The following MEGF6 variants were observed in gnomAD, a reference collection of about 807,000 sequenced individuals.
MEGF6 encodes the protein multiple epidermal growth factor-like domains protein 6.
A neutral mutation model predicts 207.1 loss-of-function variants in MEGF6; 184 were observed. That is an observed-to-expected ratio of 0.89 (90% confidence interval 0.79 to 1.00). MEGF6 has a LOEUF of 1.00. MEGF6 is among the 50% of genes least tolerant of loss of function. The pLI is 0.00. For synonymous variants in MEGF6, 1,038 were observed against 910.0 expected, an observed-to-expected ratio of 1.14 and a Z score of -2.53; for missense variants, 2,282 against 2,202.9, an observed-to-expected ratio of 1.04 and a Z score of -0.72.
intron 4 of MEGF6, among the ~76,000 whole-genome samples, chr1:3,561,730 G>T (rs933380849): frequency 3.0e-4 from 45 of 152,220 alleles, no homozygotes; most frequent in Admixed American, 1.2e-3. Context: ...ACGGGGTGGG[G>T]TGGCGGGGCA....
intron 30 of MEGF6, 36 bp from the exon 31 acceptor site, chr1:3,494,777 G>A: frequency 6.6e-7 from 1 of 1,518,332 alleles, no homozygotes; most frequent in Non-Finnish European, 8.9e-7. Flanking sequence ...TGGAGCTCTG[G>A]CCGAGGGCTG....
chr1:3,553,403 G>A (rs1642943058), intron 4 of MEGF6, among the ~76,000 whole-genome samples: 1 of 151,536 alleles, frequency 6.6e-6, no homozygotes, highest in Non-Finnish European at 1.5e-5. Context: ...ACAGGCAAGA[G>A]ACCCTCCCGC....
At chr1:3,561,091 C>A (rs528144876) in intron 4 of MEGF6, among the ~76,000 whole-genome samples, 1 of 152,298 alleles carries the variant, frequency 6.6e-6, no homozygotes, top group Non-Finnish European at 1.5e-5. Context: ...GGTAAAGGAC[C>A]CGCTGGCAGG....
At chr1:3,557,756 A>G (rs1167454967) in intron 4 of MEGF6, among the ~76,000 whole-genome samples, 1 of 152,182 alleles carries the variant, frequency 6.6e-6, no homozygotes, top group East Asian at 1.9e-4. Context: ...TCAGGGGATA[A>G]AGTGCAGAAG....
chr1:3,547,485 G>A (rs767521797), intron 4 of MEGF6, among the ~76,000 whole-genome samples: 29 of 152,260 alleles, frequency 1.9e-4, no homozygotes, highest in Middle Eastern at 6.8e-3. Context: ...TGTGTGTTCC[G>A]GTCAAGCGGT....
At chr1:3,524,406 A>G (rs1207161745) in intron 4 of MEGF6, among the ~76,000 whole-genome samples, 160 bp from the exon 5 acceptor site, 3 of 152,198 alleles carry the variant, frequency 2.0e-5, no homozygotes, top group African/African-American at 7.2e-5. Flanking sequence ...ACGCAGCAGA[A>G]GAGACAGGGT....
Position 3,597,232 on chromosome 1 carries a change from G to A in MEGF6, c.267-1785C>T, listed in dbSNP as rs559331909. On this transcript the variant is annotated intron_variant, in intron 2 of 36. Transcript: ENST00000356575. Reference sequence around the variant, plus strand: ...CCTTCTGGAAGGTTCGCTGCCTCTCGAGGAAGCTCCTTTCCTGCTTCCCCA... The same window carrying A: ...CCTTCTGGAAGGTTCGCTGCCTCTCAAGGAAGCTCCTTTCCTGCTTCCCCA... Among the ~76,000 whole-genome samples the A allele has an allele frequency of 8.7e-4, 133 of 152,286 alleles. 1 individual carries two copies. The highest frequency in any genetic ancestry group is 2.1e-3 in the South Asian group (10 of 4,822).
intron 17 of MEGF6, 42 bp from the exon 18 acceptor site, chr1:3,501,963 A>G: frequency 1.6e-6 from 2 of 1,262,130 alleles, no homozygotes; most frequent in East Asian, 5.9e-5. Flanking sequence ...CACCACGTGG[A>G]GTGGACTGAC....
intron 17 of MEGF6, among the ~76,000 whole-genome samples, chr1:3,502,670 G>A (rs1013194912): frequency 1.1e-4 from 17 of 152,112 alleles, no homozygotes; most frequent in African/African-American, 1.4e-4. Context: ...GGGAGAGAAC[G>A]TGGGGGCTGA....
At chr1:3,579,596 C>T (rs924416256) in intron 4 of MEGF6, among the ~76,000 whole-genome samples, 4 of 152,252 alleles carry the variant, frequency 2.6e-5, no homozygotes, top group Non-Finnish European at 2.9e-5. Flanking sequence ...TATGCTTCAG[C>T]GCCACCCACT....
At chr1:3,586,522 G>A (rs1037458796) in intron 3 of MEGF6, among the ~76,000 whole-genome samples, 2 of 152,136 alleles carry the variant, frequency 1.3e-5, no homozygotes, top group African/African-American at 4.8e-5. Flanking sequence ...AGAGACGTGG[G>A]GTGTAGGGGT....
intron 9 of MEGF6, among the ~76,000 whole-genome samples, 187 bp downstream of exon 9, chr1:3,511,363 C>A (rs1330828531): frequency 6.6e-6 from 1 of 152,182 alleles, no homozygotes; most frequent in African/African-American, 2.4e-5. Context: ...GCACCAAGGT[C>A]TTTCCCGGCC....
chr1:3,613,815 C>A (rs1644355768), upstream of MEGF6, among the ~76,000 whole-genome samples: 1 of 151,390 alleles, frequency 6.6e-6, no homozygotes, highest in African/African-American at 2.4e-5. Flanking sequence ...CAGAACCCTG[C>A]CGCTGTGCTC....
chr1:3,596,273 T>C (rs949604410), intron 2 of MEGF6, among the ~76,000 whole-genome samples: 3 of 151,928 alleles, frequency 2.0e-5, no homozygotes, highest in Admixed American at 2.0e-4. Flanking sequence ...GAGACGGCAG[T>C]GTCCTGCTGG....
intron 2 of MEGF6, among the ~76,000 whole-genome samples, chr1:3,598,844 C>A (rs540563132): frequency 1.3e-3 from 197 of 152,122 alleles, no homozygotes; most frequent in African/African-American, 4.6e-3. Flanking sequence ...CAGAGCCCCT[C>A]CCCCACCCCT....
At chr1:3,582,066 G>C (rs756615228) in intron 3 of MEGF6, among the ~76,000 whole-genome samples, 1 of 152,248 alleles carries the variant, frequency 6.6e-6, no homozygotes, top group Non-Finnish European at 1.5e-5. Flanking sequence ...AGGCGGAGCT[G>C]ACTCTGCCGG....
At chr1:3,583,230 G>A (rs536874745) in intron 3 of MEGF6, among the ~76,000 whole-genome samples, 5 of 152,218 alleles carry the variant, frequency 3.3e-5, no homozygotes, top group South Asian at 2.1e-4. Flanking sequence ...CCCCCATGCC[G>A]TCAGCATCCC....
rs1195647229 is a variant in MEGF6, at chr1:3,494,513, AG to A, written c.4001-15del. 3 of 1,585,260 alleles carry A rather than the reference AG, an allele frequency of 1.9e-6. No homozygotes were observed. The highest frequency in any genetic ancestry group is 1.7e-6 in the Non-Finnish European group (2 of 1,169,350). The stretch of plus-strand genomic sequence containing the variant: ...CAGGGGGACAGGCTGGGGACAGGGC[AG>A]GGTGGGCAGTCCTTCGGCACCAGCC... On this transcript the variant is annotated splice_polypyrimidine_tract_variant and intron_variant, in intron 31 of 36. Coordinates refer to ENST00000356575, the MANE Select transcript of MEGF6 (RefSeq NM_001409.4).
At chr1:3,574,961 A>G (rs1205061988) in intron 4 of MEGF6, among the ~76,000 whole-genome samples, 1 of 152,148 alleles carries the variant, frequency 6.6e-6, no homozygotes, top group Admixed American at 6.5e-5. Context: ...AGGTTCTTGA[A>G]CCAAGAAAGT....
Sources: allele counts gnomAD v4.1 joint callset (sites outside exome capture counted in the v4.1 genomes callset), GRCh38; gene constraint gnomAD v4.1.1; transcripts MANE v1.5; gene names NCBI Gene and HGNC (gene_info 2026-07-23, HGNC 2026-07-21).